IDUA: variants seen among roughly 807,000 people sequenced by gnomAD.
The protein encoded by IDUA is iduronidase alpha-L-.
IDUA carries 65 observed loss-of-function variants against 68.9 expected under a neutral mutation model. The observed-to-expected ratio is 0.94, with a 90% confidence interval of 0.77 to 1.16. The LOEUF is 1.16. Among genes scored for constraint, IDUA ranks in the 50% most tolerant of loss-of-function variants. IDUA has a pLI of 0.00. For missense variants in IDUA, 1,046 were observed against 938.0 expected (o/e 1.12, Z -1.50); for synonymous variants, 529 against 433.6 (o/e 1.22, Z -2.73).
At chr4:987,028 C>G, upstream of IDUA, 1 of 1,501,420 alleles carries the variant, frequency 6.7e-7, no homozygotes, top group Admixed American at 2.0e-5. Flanking sequence ...GACTCCGACC[C>G]GGAGGCGGAA....
chr4:1,003,319 C>A lies in IDUA; in HGVS notation c.1525-26C>A, dbSNP rs1715232627. 6 of 1,436,672 alleles carry A rather than the reference C, an allele frequency of 4.2e-6. No homozygotes were observed. The East Asian group carries it at 8.9e-5, about 21-fold the overall frequency. The allele number at this position is 1,436,672 out of a possible 1,614,324, so 89.0% of individuals were successfully genotyped here. A position where few individuals can be genotyped will look rare whatever the true frequency, so the allele number is the denominator to read the frequency against. ...GAGCGTCCCCAGCTCCCCTGGAGAA[C>A]CCTGAGGACCGGCCACTGCGCCCAG... is the stretch of plus-strand genomic sequence containing the variant. On this transcript the variant is annotated intron_variant, in intron 10 of 13. Transcript: ENST00000514224.
chr4:990,594 G>A (rs1577517712), intron 2 of IDUA: 1 of 581,980 alleles, frequency 1.7e-6, no homozygotes, highest in Non-Finnish European at 3.1e-6. Flanking sequence ...CGTGCACACA[G>A]CTGGCCATAG....
At position 1,000,600 on chromosome 4, in the gene IDUA, G is replaced by A. The variant is rs776750200; in HGVS notation, c.300-12G>A. On this transcript the variant is annotated splice_polypyrimidine_tract_variant and intron_variant, in intron 2 of 13. Coordinates refer to ENST00000514224, the MANE Select transcript of IDUA (RefSeq NM_000203.5). ...GGCACCCTGCTTCCTGACGCTGACCGTCCTTCTGCAGGGGGTCCACTGGAC... is the reference window on the plus strand; with the variant it reads ...GGCACCCTGCTTCCTGACGCTGACCATCCTTCTGCAGGGGGTCCACTGGAC... 38 of 1,607,848 alleles carry A rather than the reference G, an allele frequency of 2.4e-5. No homozygotes were observed. Among genetic ancestry groups the A allele is most frequent in the Admixed American group, 5.0e-5 (3 of 60,018 alleles).
chr4:989,148 G>A (rs1713999937), intron 2 of IDUA: 1 of 1,607,744 alleles, frequency 6.2e-7, no homozygotes, highest in Admixed American at 1.7e-5. Flanking sequence ...CAGCCCTGGT[G>A]CTAACCGGGC....
chr4:988,189 C>T (rs988203559), intron 2 of IDUA: 16 of 1,365,334 alleles, frequency 1.2e-5, no homozygotes, highest in African/African-American at 7.3e-5. Context: ...TTGGCTGCGC[C>T]GCACCTGGCT....
At chr4:989,501 T>C (rs778004459) in intron 2 of IDUA, 3 of 1,552,584 alleles carry the variant, frequency 1.9e-6, no homozygotes, top group Non-Finnish European at 2.6e-6. Flanking sequence ...AGCATACAGG[T>C]GGCCGCGGTG....
At chr4:1,001,220 TG>T in intron 4 of IDUA, 1 of 612,088 alleles carries the variant, frequency 1.6e-6, no homozygotes, top group Non-Finnish European at 2.9e-6. Flanking sequence ...CCTGGGCCCC[TG>T]GGGTGGGGGG....
intron 8 of IDUA, 26 bp from the exon 9 acceptor site, chr4:1,002,706 G>A: frequency 2.1e-6 from 3 of 1,438,710 alleles, no homozygotes; most frequent in Non-Finnish European, 2.8e-6. Flanking sequence ...GACCCCACGC[G>A]GCGACGGCCC....
rs1376217874 is a variant in IDUA at position 1,004,070 on chromosome 4, A to G, written c.1786A>G (p.Ser596Gly). The change falls in exon 13 of 14, where the codon AGC becomes GGC. Residue 596 changes from serine to glycine, a missense_variant. Physicochemically the swap from Ser to Gly is moderately conservative, Grantham distance 56. Transcript: ENST00000514224. This position sits in a 1 kb window ranked among gnomAD's most constrained non-coding sequence, Gnocchi z 5.0. Reference protein sequence around the residue: ...SQDGKAYTPVSRKPSTFNLFV... With the variant: ...SQDGKAYTPVGRKPSTFNLFV... ...GGACGGTAAGGCGTACACCCCGGTCAGCAGGAAGCCATCGACCTTCAACCT... is the reference window on the plus strand; with the variant it reads ...GGACGGTAAGGCGTACACCCCGGTCGGCAGGAAGCCATCGACCTTCAACCT... 1.2e-6 allele frequency: 2 copies of G among 1,611,862 alleles called. No individual in the cohort carries two copies.
intron 2 of IDUA, chr4:989,021 G>C: frequency 6.3e-7 from 1 of 1,585,956 alleles, no homozygotes; most frequent in Non-Finnish European, 8.6e-7. Flanking sequence ...CTGATGCCCA[G>C]GGCCCCGTAG....
In IDUA at chr4:1,004,147, C is replaced by T; in HGVS notation, c.1828+35C>T. 6.2e-7 allele frequency: 1 copy of T among 1,611,474 alleles called. No homozygotes were observed. ...CCACCCGCTGCCCTGGACTCGGCCACCCCATTCTTGGGCCTCAGGGCAGTA... is the reference window on the plus strand; with the variant it reads ...CCACCCGCTGCCCTGGACTCGGCCATCCCATTCTTGGGCCTCAGGGCAGTA... On this transcript the variant is annotated intron_variant, in intron 13 of 13. Coordinates refer to ENST00000514224, the MANE Select transcript of IDUA (RefSeq NM_000203.5). The surrounding 1 kb of genome is among the most constrained non-coding windows in gnomAD (Gnocchi z 5.0).
rs1402085193 is a variant in IDUA, at chr4:988,707, G to A, written c.299+758G>A. On this transcript the variant is annotated intron_variant, in intron 2 of 13. Coordinates refer to ENST00000514224, the MANE Select transcript of IDUA (RefSeq NM_000203.5). The stretch of plus-strand genomic sequence containing the variant: ...GTTGGGGTTCCCCGGTTTCCCCAGG[G>A]CAGCTGTGGCACAAGAGTGCAGCTC... 5 of 1,417,320 alleles carry A rather than the reference G, an allele frequency of 3.5e-6. No homozygotes were observed. In the African/African-American group the frequency reaches 7.3e-5, roughly 21 times the overall value. 87.8% of individuals were successfully genotyped at this position (1,417,320 alleles called of 1,614,324 possible). A position where few individuals can be genotyped will look rare whatever the true frequency, so the allele number is the denominator to read the frequency against.
chr4:991,432 G>A (rs1338277890), intron 2 of IDUA: 1 of 1,612,826 alleles, frequency 6.2e-7, no homozygotes, highest in Non-Finnish European at 8.5e-7. Flanking sequence ...GGCCAGCAAT[G>A]AGTAGGCGAT....
chr4:989,092 C>G lies in IDUA; in HGVS notation c.299+1143C>G, dbSNP rs770778896. The G allele has an allele frequency of 4.4e-6, 7 of 1,600,688 alleles. No homozygotes were observed. Among genetic ancestry groups the G allele is most frequent in the African/African-American group, 4.0e-5 (3 of 74,546 alleles). Reference sequence around the variant, plus strand: ...TGCGTCTAGGAACAGCAGCGGGGCGCAGTCGATGACCACTGTGTGGAAGCC... The same window carrying G: ...TGCGTCTAGGAACAGCAGCGGGGCGGAGTCGATGACCACTGTGTGGAAGCC... On this transcript the variant is annotated intron_variant, in intron 2 of 13. Transcript: ENST00000514224.
At chr4:1,003,775 A>T in intron 12 of IDUA, 150 bp downstream of exon 12, 3 of 890,624 alleles carry the variant, frequency 3.4e-6, no homozygotes, top group East Asian at 2.6e-5. Context: ...CACCCCACAC[A>T]CTGTGGGCCA....
rs1715260008 is a variant in IDUA, at chr4:1,003,595, T to C, written c.1697T>C (p.Leu566Pro). 1 of 1,612,476 alleles carries C rather than the reference T, an allele frequency of 6.2e-7. No homozygotes were observed. Among genetic ancestry groups the C allele is most frequent in the African/African-American group, 1.3e-5 (1 of 75,036 alleles). Residue 566 changes from leucine to proline, a missense_variant, in exon 12 of 14, where the codon CTG becomes CCG. Leu to Pro is a moderately conservative substitution (Grantham distance 98, BLOSUM62 -3). Coordinates refer to ENST00000514224, the MANE Select transcript of IDUA (RefSeq NM_000203.5). ...ALPLTQGQLV[L>P]VWSDEHVGSK... ...CCCCTGACCCAAGGGCAGCTGGTTC[T>C]GGTCTGGTCGGATGAACACGTGGGC... is the stretch of plus-strand genomic sequence containing the variant.
intron 2 of IDUA, chr4:993,176 C>G (rs183858834): frequency 7.2e-5 from 11 of 152,364 alleles, no homozygotes; most frequent in Admixed American, 5.9e-4. Context: ...GGAATGGGGA[C>G]AGTAGGGCCA....
rs572565537 is a variant in IDUA at position 1,003,181 on chromosome 4, G to GGGGCC, written c.1524+38_1524+42dup. 7.4e-5 allele frequency: 98 copies of GGGGCC among 1,328,886 alleles called. 3 individuals carry two copies. In the African/African-American group the frequency reaches 7.7e-4, roughly 10 times the overall value. The allele number at this position is 1,328,886 out of a possible 1,614,324, so 82.3% of individuals were successfully genotyped here. A position where few individuals can be genotyped will look rare whatever the true frequency, so the allele number is the denominator to read the frequency against. On this transcript the variant is annotated intron_variant, in intron 10 of 13. Transcript: ENST00000514224. ...AGGTAGGTGGGCCGCGGAGGGGCGA[G>GGGGCC]GGGCCGGGCCGGGCCGGGGTCCCGG...
intron 2 of IDUA, among the ~76,000 whole-genome samples, chr4:994,109 A>G (rs140772484): frequency 1.3e-3 from 201 of 152,330 alleles, no homozygotes; most frequent in African/African-American, 4.6e-3. Context: ...GAACTAAATT[A>G]GGCCCACACG....
Sources: gnomAD v4.1 joint callset for allele counts (sites outside exome capture counted in the v4.1 genomes callset) on GRCh38, gnomAD v4.1.1 for gene constraint, Gnocchi (gnomAD v3.1) non-coding constraint, MANE v1.5 for transcripts, NCBI Gene and HGNC (gene_info 2026-07-23, HGNC 2026-07-21) for gene names.